The following MN1 variants were observed in gnomAD, a reference collection of about 807,000 sequenced individuals.
The protein encoded by MN1 is MN1 proto-oncogene, transcriptional regulator, also known as transcriptional activator MN1.
A neutral mutation model predicts 86.9 loss-of-function variants in MN1; 19 were observed. That is an observed-to-expected ratio of 0.22 (90% CI 0.15 to 0.32). The LOEUF is 0.32. Among genes scored for constraint, MN1 ranks in the 10% least tolerant of loss-of-function variants. The probability of loss-of-function intolerance (pLI) is 1.00; values close to 1 mark genes in which losing one functional copy is unlikely to be tolerated. For synonymous variants in MN1, 928 were observed against 849.6 expected (o/e 1.09, Z -1.60); for missense variants, 1,841 against 1,862.0 (o/e 0.99, Z 0.21).
intron 1 of MN1, among the ~76,000 whole-genome samples, chr22:27,788,126 G>A (rs776570088): frequency 1.8e-4 from 28 of 152,060 alleles, no homozygotes; most frequent in Non-Finnish European, 4.0e-4. Flanking sequence ...TTCCACTCGC[G>A]AACCCCAAGA....
Position 27,763,623 on chromosome 22 carries a change from C to T in MN1, c.3782-12527G>A, listed in dbSNP as rs116950824. 3.5e-3 allele frequency among the ~76,000 whole-genome samples: 538 copies of T among 152,300 alleles called. 21 individuals are homozygous for T. The East Asian group carries it at 0.085, about 24-fold the overall frequency. On this transcript the variant is annotated intron_variant, in intron 1 of 1. Coordinates refer to ENST00000302326, the MANE Select transcript of MN1 (RefSeq NM_002430.3). ...CTGCTACCATTATCAATTCCCCAAG[C>T]CTGGGCCTAGGGCAGCCTAGAGGAA...
At chr22:27,773,361 T>G (rs1010013356) in intron 1 of MN1, among the ~76,000 whole-genome samples, 1 of 152,152 alleles carries the variant, frequency 6.6e-6, no homozygotes, top group African/African-American at 2.4e-5. Flanking sequence ...TGGGCTTTGG[T>G]TTCAGAGCGA....
At position 27,750,703 on chromosome 22, in the gene MN1, T is replaced by A; in HGVS notation, c.*212A>T. 2.4e-6 allele frequency: 1 copy of A among 420,642 alleles called. No individual in the cohort carries two copies. Among genetic ancestry groups the A allele is most frequent in the Non-Finnish European group, 4.2e-6 (1 of 239,540 alleles). The allele number at this position is 420,642 out of a possible 1,614,324, so 26.1% of individuals were successfully genotyped here. ...TACTGTGGCAGACAAGTTTCTTTTT[T>A]AAAAAAACTTTTGAGGTTCCCCCCC... On this transcript the variant is annotated 3_prime_UTR_variant, in exon 2 of 2. Transcript: ENST00000302326.
intron 1 of MN1, among the ~76,000 whole-genome samples, chr22:27,775,571 T>C (rs1186824899): frequency 6.6e-6 from 1 of 152,186 alleles, no homozygotes; most frequent in Non-Finnish European, 1.5e-5. Flanking sequence ...GAGTGGCATC[T>C]TGCTCCTGGT....
chr22:27,748,812 A>G lies in MN1; in HGVS notation c.*2103T>C. On this transcript the variant is annotated 3_prime_UTR_variant, in exon 2 of 2. Coordinates refer to ENST00000302326, the MANE Select transcript of MN1 (RefSeq NM_002430.3). ...TGATGACTCAACGCTGGGAAAGTCA[A>G]AGACAGAAGTTAAGACACTTTGCTC... is the stretch of plus-strand genomic sequence containing the variant. 1 of 224,700 alleles carries G rather than the reference A, an allele frequency of 4.5e-6. No homozygotes were observed. The highest frequency in any genetic ancestry group is 8.9e-6 in the Non-Finnish European group (1 of 112,420). 13.9% of individuals were successfully genotyped at this position (224,700 alleles called of 1,614,324 possible). A position where few individuals can be genotyped will look rare whatever the true frequency, so the allele number is the denominator to read the frequency against.
At chr22:27,752,531 C>T (rs1357773292) in intron 1 of MN1, among the ~76,000 whole-genome samples, 6 of 152,144 alleles carry the variant, frequency 3.9e-5, no homozygotes, top group African/African-American at 7.2e-5. Context: ...GTGTTAGACA[C>T]GCTTGAGGAG....
chr22:27,781,093 G>C lies in MN1; in HGVS notation c.3781+15670C>G, dbSNP rs187527992. Among the ~76,000 whole-genome samples, 130 of 152,216 alleles carry C rather than the reference G, an allele frequency of 8.5e-4. 1 individual carries two copies. The Middle Eastern group carries it at 0.01, about 12-fold the overall frequency. On this transcript the variant is annotated intron_variant, in intron 1 of 1. Transcript: ENST00000302326. ...CTACAGGTGTGCGCCACCATGGCCA[G>C]CTAATTTTTTGTGTTTTTTGTAGAG...
chr22:27,798,684 C>G lies in MN1; in HGVS notation c.1860G>C (p.Gln620His). 6.5e-7 allele frequency: 1 copy of G among 1,540,438 alleles called. No individual in the cohort carries two copies. Among genetic ancestry groups the G allele is most frequent in the Non-Finnish European group, 8.7e-7 (1 of 1,150,710 alleles). Reference protein sequence around the residue: ...TGAGRLGTFEQQAPHLAQESA... With the variant: ...TGAGRLGTFEHQAPHLAQESA... ...TCTCTTGCGCCAAGTGCGGCGCCTG[C>G]TGCTCGAAGGTGCCCAGACGCCCGG... Residue 620 changes from glutamine to histidine, a missense_variant, in exon 1 of 2, where the codon CAG (glutamine) becomes CAC (histidine). Transcript: ENST00000302326.
Position 27,800,682 on chromosome 22 carries a change from A to C in MN1, c.-139T>G. 1 of 1,168,758 alleles carries C rather than the reference A, an allele frequency of 8.6e-7. No individual in the cohort carries two copies. The highest frequency in any genetic ancestry group is 1.2e-6 in the Non-Finnish European group (1 of 834,588). 72.4% of individuals were successfully genotyped at this position (1,168,758 alleles called of 1,614,324 possible). On this transcript the variant is annotated 5_prime_UTR_variant, in exon 1 of 2. Transcript: ENST00000302326. Reference sequence around the variant, plus strand: ...CCGCGGGGGCTCAGCGCGCACCTCCACCCCGCCTGATGTGAGGGACGGGGG... The same window carrying C: ...CCGCGGGGGCTCAGCGCGCACCTCCCCCCCGCCTGATGTGAGGGACGGGGG...
chr22:27,760,482 C>A (rs1317045728), intron 1 of MN1, among the ~76,000 whole-genome samples: 1 of 151,802 alleles, frequency 6.6e-6, no homozygotes, highest in Non-Finnish European at 1.5e-5. Flanking sequence ...GCACTCCAGC[C>A]AGAGTGACAG....
Position 27,800,055 on chromosome 22 carries a change from C to T in MN1, c.489G>A (p.Glu163=), listed in dbSNP as rs1229290447. ...TCCCCGGTCGCTGCGGGCCGAAGCTCTCAGGCCCCTGGCTCTCCGCCATGT... is the reference window on the plus strand; with the variant it reads ...TCCCCGGTCGCTGCGGGCCGAAGCTTTCAGGCCCCTGGCTCTCCGCCATGT... ...YEHMAESQGP[E]SFGPQRPGNL... is the part of the protein sequence containing the mutation. The change falls in exon 1 of 2, where the codon GAG becomes GAA. Residue 163 remains glutamate, a synonymous_variant. Coordinates refer to ENST00000302326, the MANE Select transcript of MN1 (RefSeq NM_002430.3). The T allele has an allele frequency of 1.2e-6, 2 of 1,601,006 alleles. No homozygotes were observed. The highest frequency in any genetic ancestry group is 1.3e-5 in the African/African-American group (1 of 74,906).
chr22:27,794,706 C>T (rs1933263191), intron 1 of MN1, among the ~76,000 whole-genome samples: 2 of 152,184 alleles, frequency 1.3e-5, no homozygotes, highest in African/African-American at 4.8e-5. Flanking sequence ...TTCTAAAAAT[C>T]TCATTAAAAT....
At chr22:27,780,392 C>A (rs1365457019) in intron 1 of MN1, among the ~76,000 whole-genome samples, 1 of 152,206 alleles carries the variant, frequency 6.6e-6, no homozygotes, top group East Asian at 1.9e-4. Flanking sequence ...CTTGCCCAAC[C>A]CACTTCCTGC....
intron 1 of MN1, among the ~76,000 whole-genome samples, chr22:27,778,783 C>T (rs1418696047): frequency 1.3e-5 from 2 of 152,232 alleles, no homozygotes; most frequent in East Asian, 1.9e-4. Flanking sequence ...TGAGCATCCT[C>T]GTGTAGCCCA....
Position 27,799,327 on chromosome 22 carries a change from T to A in MN1, c.1217A>T (p.Gln406Leu). The stretch of plus-strand genomic sequence containing the variant: ...CAGCCGGTGGATGGGATACTCGAAT[T>A]GCGCGTGCTGGCTGGGCAGCATGGG... ...GGPMLPSQHA[Q>L]FEYPIHRLEN... The change falls in exon 1 of 2, where the codon CAA becomes CTA. Residue 406 changes from glutamine to leucine, a missense_variant. Coordinates refer to ENST00000302326, the MANE Select transcript of MN1 (RefSeq NM_002430.3). The A allele has an allele frequency of 6.3e-7, 1 of 1,593,020 alleles. No homozygotes were observed. The highest frequency in any genetic ancestry group is 8.5e-7 in the Non-Finnish European group (1 of 1,171,272).
At chr22:27,792,333 TATATATATATATATATATGA>T (rs1212938360) in intron 1 of MN1, among the ~76,000 whole-genome samples, 1 of 144,934 alleles carries the variant, frequency 6.9e-6, no homozygotes, top group African/African-American at 2.5e-5. Flanking sequence ...TATATATATA[TATATATATATATATATATGA>T]ATATATAAAT....
chr22:27,798,485 G>T lies in MN1; in HGVS notation c.2059C>A (p.Pro687Thr). The T allele has an allele frequency of 6.4e-7, 1 of 1,558,790 alleles. No individual in the cohort carries two copies. The highest frequency in any genetic ancestry group is 2.4e-5 in the East Asian group (1 of 42,200). Residue 687 changes from proline (P) to threonine (T), a missense_variant, in exon 1 of 2, where the codon CCC becomes ACC. Coordinates refer to ENST00000302326, the MANE Select transcript of MN1 (RefSeq NM_002430.3). ...RGPLQEPMRM[P>T]GEGHVPALPS... ...AGCGCGGGCACGTGGCCCTCTCCGG[G>T]CATCCTCATCGGCTCCTGCAGAGGG...
At position 27,800,202 on chromosome 22, in the gene MN1, A is replaced by C. The variant is rs770559977; in HGVS notation, c.342T>G (p.Phe114Leu). The change falls in exon 1 of 2, where the codon TTT (phenylalanine) becomes TTG (leucine). Residue 114 changes from phenylalanine (F) to leucine (L), a missense_variant. Phe to Leu is a conservative substitution (Grantham distance 22). Coordinates refer to ENST00000302326, the MANE Select transcript of MN1 (RefSeq NM_002430.3). The part of the protein sequence containing the change: ...SHHPHQHHPH[F>L]GGNFGGPDPG... Reference sequence around the variant, plus strand: ...GGTCCGGGCCACCGAAGTTGCCCCCAAAGTGGGGGTGATGCTGGTGGGGAT... The same window carrying C: ...GGTCCGGGCCACCGAAGTTGCCCCCCAAGTGGGGGTGATGCTGGTGGGGAT... 10 of 1,558,974 alleles carry C rather than the reference A, an allele frequency of 6.4e-6. No homozygotes were observed. Among genetic ancestry groups the C allele is most frequent in the Non-Finnish European group, 8.7e-6 (10 of 1,155,394 alleles).
At chr22:27,752,123 G>C (rs1247563913) in intron 1 of MN1, among the ~76,000 whole-genome samples, 11 of 152,188 alleles carry the variant, frequency 7.2e-5, no homozygotes, top group African/African-American at 2.7e-4. Flanking sequence ...GGGTCACACA[G>C]CTCCAACCTA....
Sources: allele counts gnomAD v4.1 joint callset (sites outside exome capture counted in the v4.1 genomes callset), GRCh38; gene constraint gnomAD v4.1.1; transcripts MANE v1.5; gene names NCBI Gene and HGNC (gene_info 2026-07-23, HGNC 2026-07-21).